PAPSS2: variants seen among roughly 807,000 people sequenced by gnomAD.
PAPSS2 encodes 3'-phosphoadenosine 5'-phosphosulfate synthase 2.
PAPSS2 carries 61 observed loss-of-function variants against 66.5 expected under a neutral mutation model. The observed-to-expected ratio is 0.92, with a 90% confidence interval of 0.75 to 1.14. The LOEUF is 1.14. Among genes scored for constraint, PAPSS2 ranks in the 50% most tolerant of loss-of-function variants. PAPSS2 has a pLI of 0.00. For synonymous variants in PAPSS2, 289 were observed against 287.5 expected (o/e 1.01, Z -0.05); for missense variants, 708 against 789.6 (o/e 0.90, Z 1.24).
At chr10:87,700,380 GGT>G (rs1424884391) in intron 1 of PAPSS2, among the ~76,000 whole-genome samples, 1 of 152,124 alleles carries the variant, frequency 6.6e-6, no homozygotes, top group African/African-American at 2.4e-5. Flanking sequence ...TTTTTGTCTG[GGT>G]GTAGTGGTTC....
intron 1 of PAPSS2, among the ~76,000 whole-genome samples, chr10:87,663,210 C>G (rs1443686876): frequency 6.8e-6 from 1 of 146,366 alleles, no homozygotes; most frequent in Admixed American, 7.1e-5. Context: ...CTCCCGAGTT[C>G]AAGCAATTCT....
intron 12 of PAPSS2, 65 bp from the exon 13 acceptor site, chr10:87,745,767 T>C (rs1027805234): frequency 1.9e-6 from 3 of 1,562,146 alleles, no homozygotes; most frequent in Non-Finnish European, 2.6e-6. Context: ...CATAACCTAC[T>C]CCAGGAATCC....
chr10:87,698,202 A>G (rs1357108166), intron 1 of PAPSS2, among the ~76,000 whole-genome samples: 1 of 152,168 alleles, frequency 6.6e-6, no homozygotes, highest in African/African-American at 2.4e-5. Context: ...GTGGCTTCGA[A>G]AAGTCAAATC....
Position 87,714,849 on chromosome 10 carries a change from C to G in PAPSS2, c.625C>G (p.Leu209Val). The G allele has an allele frequency of 6.2e-7, 1 of 1,604,838 alleles. No individual in the cohort carries two copies. Among genetic ancestry groups the G allele is most frequent in the Non-Finnish European group, 8.5e-7 (1 of 1,171,494 alleles). The change falls in exon 5 of 13, where the codon CTT becomes GTT. Residue 209 changes from leucine to valine, a missense_variant. Coordinates refer to ENST00000456849, the MANE Select transcript of PAPSS2 (RefSeq NM_001015880.2). Reference protein sequence around the residue: ...VSDCVHQVVELLQEQNIVPYT... With the variant: ...VSDCVHQVVEVLQEQNIVPYT... ...TGACTGTGTCCACCAGGTAGTGGAA[C>G]TTCTGCAAGAGCAGGTAGGTGAACC...
chr10:87,659,965 C>G lies in PAPSS2; in HGVS notation c.-17C>G, dbSNP rs1287750688. 2 of 1,612,502 alleles carry G rather than the reference C, an allele frequency of 1.2e-6. No homozygotes were observed. The highest frequency in any genetic ancestry group is 1.7e-6 in the Non-Finnish European group (2 of 1,179,544). On this transcript the variant is annotated 5_prime_UTR_variant, in exon 1 of 13. Coordinates refer to ENST00000456849, the MANE Select transcript of PAPSS2 (RefSeq NM_001015880.2). Reference sequence around the variant, plus strand: ...GTCTCTGCTCCCGGGACCCGGGCTCCGCCGCAGCCAGCCAGCATGTCGGGG... The same window carrying G: ...GTCTCTGCTCCCGGGACCCGGGCTCGGCCGCAGCCAGCCAGCATGTCGGGG...
chr10:87,680,026 CA>C (rs58787148), intron 1 of PAPSS2, among the ~76,000 whole-genome samples: 355 of 126,626 alleles, frequency 2.8e-3, no homozygotes, highest in South Asian at 6.6e-3. Context: ...GAACCTATCT[CA>C]AAAAAAAAAA....
At chr10:87,684,602 T>C (rs949075327) in intron 1 of PAPSS2, among the ~76,000 whole-genome samples, 5 of 152,190 alleles carry the variant, frequency 3.3e-5, no homozygotes, top group Non-Finnish European at 5.9e-5. Context: ...GCATCCTTAG[T>C]GTTGTGCGTA....
intron 9 of PAPSS2, among the ~76,000 whole-genome samples, chr10:87,737,372 TAAA>T (rs35559193): frequency 6.8e-6 from 1 of 147,718 alleles, no homozygotes; most frequent in Non-Finnish European, 1.5e-5. Flanking sequence ...GTGGTTCCTC[TAAA>T]AAAAAAAATT....
chr10:87,688,714 C>T (rs1249442239), intron 1 of PAPSS2, among the ~76,000 whole-genome samples: 1 of 152,024 alleles, frequency 6.6e-6, no homozygotes, highest in Non-Finnish European at 1.5e-5. Flanking sequence ...GCCTCGGCCT[C>T]CCAAAGTGCT....
chr10:87,733,786 ACCTGCATATAT>A (rs1853759437), intron 9 of PAPSS2, among the ~76,000 whole-genome samples: 1 of 152,046 alleles, frequency 6.6e-6, no homozygotes, highest in Non-Finnish European at 1.5e-5. Context: ...TTAGGGCCCC[ACCTGCATATAT>A]CCTGCAAGTA....
At chr10:87,729,808 C>A (rs1355371833) in intron 9 of PAPSS2, among the ~76,000 whole-genome samples, 2 of 152,036 alleles carry the variant, frequency 1.3e-5, no homozygotes, top group Admixed American at 1.3e-4. Context: ...ACCAGCCTGA[C>A]CAACATGGAG....
At chr10:87,674,319 C>G (rs1852917851) in intron 1 of PAPSS2, among the ~76,000 whole-genome samples, 1 of 152,132 alleles carries the variant, frequency 6.6e-6, no homozygotes, top group South Asian at 2.1e-4. Flanking sequence ...CACGTGCCAC[C>G]ACACCCGGCT....
chr10:87,706,340 G>A (rs1213718738), intron 1 of PAPSS2, among the ~76,000 whole-genome samples: 2 of 150,816 alleles, frequency 1.3e-5, no homozygotes, highest in African/African-American at 2.4e-5. Flanking sequence ...ACTGATTTTT[G>A]GGTCTGATAT....
chr10:87,702,682 G>A (rs184582084), intron 1 of PAPSS2, among the ~76,000 whole-genome samples: 4 of 152,158 alleles, frequency 2.6e-5, no homozygotes, highest in African/African-American at 9.7e-5. Context: ...AAGGAGTAGG[G>A]TACAGAGGGG....
chr10:87,719,948 C>G (rs1057281296), intron 7 of PAPSS2, among the ~76,000 whole-genome samples: 1 of 152,000 alleles, frequency 6.6e-6, no homozygotes, highest in Non-Finnish European at 1.5e-5. Context: ...TGCAGTGGCG[C>G]GATCTCTGCT....
intron 7 of PAPSS2, among the ~76,000 whole-genome samples, chr10:87,720,039 C>G (rs995836535): frequency 5.9e-5 from 9 of 152,010 alleles, no homozygotes; most frequent in Admixed American, 4.6e-4. Flanking sequence ...GCGCTTGCCA[C>G]GAAGCCCAGG....
At chr10:87,663,391 C>A (rs1008095993) in intron 1 of PAPSS2, among the ~76,000 whole-genome samples, 6 of 152,076 alleles carry the variant, frequency 3.9e-5, no homozygotes, top group Non-Finnish European at 8.8e-5. Flanking sequence ...GGATTGCAGG[C>A]TTGAGCCACT....
chr10:87,747,334 C>G lies in PAPSS2; in HGVS notation c.*1364C>G, dbSNP rs1050011296. 2 of 152,074 alleles carry G rather than the reference C, an allele frequency of 1.3e-5. No homozygotes were observed. The highest frequency in any genetic ancestry group is 4.8e-5 in the African/African-American group (2 of 41,414). 9.4% of individuals were successfully genotyped at this position (152,074 alleles called of 1,614,324 possible). A position where few individuals can be genotyped will look rare whatever the true frequency, so the allele number is the denominator to read the frequency against. On this transcript the variant is annotated 3_prime_UTR_variant, in exon 13 of 13. Coordinates refer to ENST00000456849, the MANE Select transcript of PAPSS2 (RefSeq NM_001015880.2). The stretch of plus-strand genomic sequence containing the variant: ...AAACAGCACCTTTTAATATATAGGT[C>G]TCTCTGGAAGAGACCTAAATTAGAA...
At chr10:87,703,508 T>G (rs1333644167) in intron 1 of PAPSS2, among the ~76,000 whole-genome samples, 3 of 152,102 alleles carry the variant, frequency 2.0e-5, no homozygotes, top group Non-Finnish European at 4.4e-5. Context: ...CTACCATGAG[T>G]CTGGTATTTT....
Sources: allele counts gnomAD v4.1 joint callset (sites outside exome capture counted in the v4.1 genomes callset), GRCh38; gene constraint gnomAD v4.1.1; transcripts MANE v1.5; gene names NCBI Gene and HGNC (gene_info 2026-07-23, HGNC 2026-07-21).